Variants in ASB18 observed in about 807,000 individuals in gnomAD.
ASB18 encodes ankyrin repeat and SOCS box containing 18.
In ASB18, 33 loss-of-function variants were observed where a neutral mutation model predicts 33.4. That is an observed-to-expected ratio of 0.99 (90% CI 0.75 to 1.32). The LOEUF (loss-of-function observed/expected upper bound fraction) is 1.32. ASB18 is among the 40% of genes most tolerant of loss of function. The pLI, the probability that ASB18 is intolerant of heterozygous loss-of-function variation, is 0.00. For synonymous variants in ASB18, 295 were observed against 307.6 expected (o/e 0.96, Z 0.43); for missense variants, 694 against 655.5 (o/e 1.06, Z -0.64).
Position 236,241,212 on chromosome 2 carries a change from C to T in ASB18, c.328+68G>A. 9 of 1,507,814 alleles carry T rather than the reference C, an allele frequency of 6.0e-6. No individual in the cohort carries two copies. The allele number at this position is 1,507,814 out of a possible 1,614,324, so 93.4% of individuals were successfully genotyped here. On this transcript the variant is annotated intron_variant, in intron 2 of 5. Transcript: ENST00000409749. The surrounding 1 kb of genome is among the most constrained non-coding windows in gnomAD (Gnocchi z 4.2). ...CTGTGCCCAGTCTACACACGGGAGC[C>T]TTACACTCCCAGAGAGTATTAGTAG...
At chr2:236,227,613 CTA>C (rs2060546569) in intron 3 of ASB18, among the ~76,000 whole-genome samples, 1 of 152,160 alleles carries the variant, frequency 6.6e-6, no homozygotes, top group Non-Finnish European at 1.5e-5. Flanking sequence ...GGTAAAATAT[CTA>C]TGTGTAGATA....
In ASB18 at chr2:236,250,958, A is replaced by G. The variant is rs2060665843; in HGVS notation, c.206-9556T>C. Among the ~76,000 whole-genome samples the G allele has an allele frequency of 1.3e-5, 2 of 152,236 alleles. No individual in the cohort carries two copies. The highest frequency in any genetic ancestry group is 4.8e-5 in the African/African-American group (2 of 41,468). On this transcript the variant is annotated intron_variant, in intron 1 of 5. Transcript: ENST00000409749. The surrounding 1 kb of genome is among the most constrained non-coding windows in gnomAD (Gnocchi z 4.1). ...CATTTTACTTCCTCAGATCAAGTGC[A>G]TCTATTAATAATGACTTAAATTGTC...
chr2:236,243,174 C>CAAAAA (rs2060629939), intron 1 of ASB18, among the ~76,000 whole-genome samples: 1 of 150,848 alleles, frequency 6.6e-6, no homozygotes, highest in East Asian at 2.0e-4. Context: ...ACTAAAAATA[C>CAAAAA]AAAAAATTAG....
chr2:236,219,036 A>AT lies in ASB18; in HGVS notation c.597-4171dup, dbSNP rs957066990. ...AGCCGAGTGCCCCCATGCTTGGCTA[A>AT]TTTTTTTTTGTTTTATTTTTGTATT... On this transcript the variant is annotated intron_variant, in intron 3 of 5. Transcript: ENST00000409749. This position sits in a 1 kb window ranked among gnomAD's most constrained non-coding sequence, Gnocchi z 6.4. Among the ~76,000 whole-genome samples, 11 of 149,860 alleles carry AT rather than the reference A, an allele frequency of 7.3e-5. No individual in the cohort carries two copies. Among genetic ancestry groups the AT allele is most frequent in the Middle Eastern group, 3.2e-3 (1 of 314 alleles).
At chr2:236,232,410 C>A (rs1350435216) in intron 3 of ASB18, among the ~76,000 whole-genome samples, 1 of 151,980 alleles carries the variant, frequency 6.6e-6, no homozygotes, top group Non-Finnish European at 1.5e-5. Flanking sequence ...GTTCCTGACT[C>A]AGTGACATTA....
chr2:236,236,007 C>T (rs1250769165), intron 3 of ASB18, among the ~76,000 whole-genome samples: 2 of 152,192 alleles, frequency 1.3e-5, no homozygotes, highest in Non-Finnish European at 2.9e-5. Flanking sequence ...CAGTTATGTT[C>T]TTAATCATAC....
rs1214103755 is a variant in ASB18 at position 236,220,799 on chromosome 2, G to A, written c.597-5933C>T. On this transcript the variant is annotated intron_variant, in intron 3 of 5. Transcript: ENST00000409749. The surrounding 1 kb of genome is among the most constrained non-coding windows in gnomAD (Gnocchi z 5.1). The stretch of plus-strand genomic sequence containing the variant: ...CTCTGAGGCAGGTTCTGTTCTAGGC[G>A]TTTTCCACAAGTTATGAGTGACCTT... 3.9e-5 allele frequency among the ~76,000 whole-genome samples: 6 copies of A among 152,222 alleles called. No individual in the cohort carries two copies. In the East Asian group the frequency reaches 5.8e-4, roughly 15 times the overall value.
rs2060494388 is a variant in ASB18, at chr2:236,217,750, C to T, written c.597-2884G>A. On this transcript the variant is annotated intron_variant, in intron 3 of 5. Transcript: ENST00000409749. This position sits in a 1 kb window ranked among gnomAD's most constrained non-coding sequence, Gnocchi z 5.2. Reference sequence around the variant, plus strand: ...TGTCTCGTTTCTACATCAGCAGTGTCTTGAGAAGTGGTCTGTCTTGAGTGA... The same window carrying T: ...TGTCTCGTTTCTACATCAGCAGTGTTTTGAGAAGTGGTCTGTCTTGAGTGA... Among the ~76,000 whole-genome samples, 1 of 152,152 alleles carries T rather than the reference C, an allele frequency of 6.6e-6. No homozygotes were observed. The highest frequency in any genetic ancestry group is 1.5e-5 in the Non-Finnish European group (1 of 68,036).
chr2:236,206,418 C>T (rs1347238152), intron 4 of ASB18, among the ~76,000 whole-genome samples: 1 of 152,070 alleles, frequency 6.6e-6, no homozygotes, highest in African/African-American at 2.4e-5. Flanking sequence ...AGGAAACGGG[C>T]CCATTGTTGC....
rs1574672832 is a variant in ASB18 at position 236,256,223 on chromosome 2, T to C, written c.205+7918A>G. ...TGTATTTTTTGTAGAGATAGAGTCT[T>C]GCCATGTTGCTCAGGCTGGTCTCAA... On this transcript the variant is annotated intron_variant, in intron 1 of 5. Coordinates refer to ENST00000409749, the MANE Select transcript of ASB18 (RefSeq NM_212556.4). This position sits in a 1 kb window ranked among gnomAD's most constrained non-coding sequence, Gnocchi z 4.7. Among the ~76,000 whole-genome samples, 2 of 152,168 alleles carry C rather than the reference T, an allele frequency of 1.3e-5. No homozygotes were observed. The highest frequency in any genetic ancestry group is 3.9e-4 in the East Asian group (2 of 5,136).
At position 236,252,296 on chromosome 2, in the gene ASB18, C is replaced by CAT. The variant is rs2060671934; in HGVS notation, c.206-10895_206-10894insAT. On this transcript the variant is annotated intron_variant, in intron 1 of 5. Transcript: ENST00000409749. This position sits in a 1 kb window ranked among gnomAD's most constrained non-coding sequence, Gnocchi z 7.9. ...ACACACACACACACACACACACACACACACACACACACAGTAGAAATCCTT... is the reference window on the plus strand; with the variant it reads ...ACACACACACACACACACACACACACATACACACACACACAGTAGAAATCCTT... Among the ~76,000 whole-genome samples, 1 of 143,258 alleles carries CAT rather than the reference C, an allele frequency of 7.0e-6. No individual in the cohort carries two copies. The highest frequency in any genetic ancestry group is 1.5e-5 in the Non-Finnish European group (1 of 67,094). 94.0% of individuals were successfully genotyped at this position (143,258 alleles called of 152,430 possible).
At position 236,252,308 on chromosome 2, in the gene ASB18, C is replaced by CACAT. The variant is rs1488548599; in HGVS notation, c.206-10907_206-10906insATGT. Among the ~76,000 whole-genome samples, 5 of 146,864 alleles carry CACAT rather than the reference C, an allele frequency of 3.4e-5. No individual in the cohort carries two copies. The highest frequency in any genetic ancestry group is 5.9e-5 in the Non-Finnish European group (4 of 67,420). ...ACACACACACACACACACACACACACAGTAGAAATCCTTGCCTTTAAGGAG... is the reference window on the plus strand; with the variant it reads ...ACACACACACACACACACACACACACACATAGTAGAAATCCTTGCCTTTAAGGAG... On this transcript the variant is annotated intron_variant, in intron 1 of 5. Transcript: ENST00000409749. The surrounding 1 kb of genome is among the most constrained non-coding windows in gnomAD (Gnocchi z 7.9).
At position 236,208,180 on chromosome 2, in the gene ASB18, C is replaced by T. The variant is rs751743592; in HGVS notation, c.1101+6182G>A. 5.9e-5 allele frequency among the ~76,000 whole-genome samples: 9 copies of T among 152,214 alleles called. No homozygotes were observed. In the South Asian group the frequency reaches 6.2e-4, roughly 11 times the overall value. ...GAGACAGAGCATGAACACGGAGACA[C>T]GGAGAAACCAAGCCACAGAGGGAGT... is the stretch of plus-strand genomic sequence containing the variant. On this transcript the variant is annotated intron_variant, in intron 4 of 5. Transcript: ENST00000409749. This position sits in a 1 kb window ranked among gnomAD's most constrained non-coding sequence, Gnocchi z 7.7.
Position 236,211,688 on chromosome 2 carries a change from G to A in ASB18, c.1101+2674C>T, listed in dbSNP as rs112344518. Among the ~76,000 whole-genome samples, 51 of 152,324 alleles carry A rather than the reference G, an allele frequency of 3.3e-4. No homozygotes were observed. Among genetic ancestry groups the A allele is most frequent in the African/African-American group, 4.8e-4 (20 of 41,578 alleles). On this transcript the variant is annotated intron_variant, in intron 4 of 5. Coordinates refer to ENST00000409749, the MANE Select transcript of ASB18 (RefSeq NM_212556.4). This position sits in a 1 kb window ranked among gnomAD's most constrained non-coding sequence, Gnocchi z 5.0. ...TTGATGTCGCACATGATTAGATGCC[G>A]TCCCTGGAGGAGCGATTGCAGGGAG...
At position 236,245,435 on chromosome 2, in the gene ASB18, T is replaced by C. The variant is rs1367207322; in HGVS notation, c.206-4033A>G. Among the ~76,000 whole-genome samples the C allele has an allele frequency of 3.3e-5, 5 of 152,222 alleles. No individual in the cohort carries two copies. Among genetic ancestry groups the C allele is most frequent in the Non-Finnish European group, 5.9e-5 (4 of 68,038 alleles). The stretch of plus-strand genomic sequence containing the variant: ...GCACCTTCCCGTGAGTAAAAGGGCT[T>C]CCTACCTTGCCCTCACCGTTGTCCC... On this transcript the variant is annotated intron_variant, in intron 1 of 5. Coordinates refer to ENST00000409749, the MANE Select transcript of ASB18 (RefSeq NM_212556.4). This position sits in a 1 kb window ranked among gnomAD's most constrained non-coding sequence, Gnocchi z 4.7.
Position 236,234,655 on chromosome 2 carries a change from G to T in ASB18, c.596+3034C>A, listed in dbSNP as rs193266985. The stretch of plus-strand genomic sequence containing the variant: ...CATTTTTGACAAAGGTGCAAAGACC[G>T]TTTGGTGGAGAAAGGAAGGGTTTAG... On this transcript the variant is annotated intron_variant, in intron 3 of 5. Coordinates refer to ENST00000409749, the MANE Select transcript of ASB18 (RefSeq NM_212556.4). This position sits in a 1 kb window ranked among gnomAD's most constrained non-coding sequence, Gnocchi z 4.1. Among the ~76,000 whole-genome samples, 1 of 152,198 alleles carries T rather than the reference G, an allele frequency of 6.6e-6. No homozygotes were observed. Among genetic ancestry groups the T allele is most frequent in the South Asian group, 2.1e-4 (1 of 4,826 alleles).
rs149478366 is a variant in ASB18, at chr2:236,263,560, A to G, written c.205+581T>C. ...TTTAGAAACAATACAATTTGAAAAA[A>G]TGTTATGTTCTTGTTCCAGTTATAT... On this transcript the variant is annotated intron_variant, in intron 1 of 5. Coordinates refer to ENST00000409749, the MANE Select transcript of ASB18 (RefSeq NM_212556.4). This position sits in a 1 kb window ranked among gnomAD's most constrained non-coding sequence, Gnocchi z 4.0. Among the ~76,000 whole-genome samples the G allele has an allele frequency of 2.7e-3, 406 of 152,350 alleles. No individual in the cohort carries two copies. Among genetic ancestry groups the G allele is most frequent in the African/African-American group, 9.4e-3 (390 of 41,582 alleles).
chr2:236,243,577 C>A lies in ASB18; in HGVS notation c.206-2175G>T, dbSNP rs191248601. ...GTTAGGAGGCTCCATAGGACAGATG[C>A]GGGGTTCCCAAAGACATGATCTGGG... On this transcript the variant is annotated intron_variant, in intron 1 of 5. Transcript: ENST00000409749. 2.1e-4 allele frequency among the ~76,000 whole-genome samples: 32 copies of A among 152,020 alleles called. No individual in the cohort carries two copies. The East Asian group carries it at 3.9e-3, about 18-fold the overall frequency.
chr2:236,258,407 C>T lies in ASB18; in HGVS notation c.205+5734G>A, dbSNP rs147053983. On this transcript the variant is annotated intron_variant, in intron 1 of 5. Transcript: ENST00000409749. Reference sequence around the variant, plus strand: ...GACATGTTCAAGGTCACACAGGTCACGGGAGAGCTTAGGCAAGAAACTGGG... The same window carrying T: ...GACATGTTCAAGGTCACACAGGTCATGGGAGAGCTTAGGCAAGAAACTGGG... 2.7e-3 allele frequency among the ~76,000 whole-genome samples: 412 copies of T among 152,328 alleles called. 2 individuals carry two copies. Among genetic ancestry groups the T allele is most frequent in the African/African-American group, 9.2e-3 (383 of 41,570 alleles).
Sources: allele counts gnomAD v4.1 joint callset (sites outside exome capture counted in the v4.1 genomes callset), GRCh38; gene constraint gnomAD v4.1.1; non-coding constraint Gnocchi (gnomAD v3.1); transcripts MANE v1.5; gene names NCBI Gene and HGNC (gene_info 2026-07-23, HGNC 2026-07-21).